LEPROTL1: variants seen among roughly 807,000 people sequenced by gnomAD.
LEPROTL1 encodes leptin receptor overlapping transcript like 1.
LEPROTL1 carries 6 observed loss-of-function variants against 15.4 expected under a neutral mutation model. The observed-to-expected ratio is 0.39, with a 90% confidence interval of 0.21 to 0.77. The LOEUF is 0.77. Among genes scored for constraint, LEPROTL1 ranks in the 30% least tolerant of loss-of-function variants. The pLI, the probability that LEPROTL1 is intolerant of heterozygous loss-of-function variation, is 0.41. For missense variants in LEPROTL1, 128 were observed against 158.1 expected (o/e 0.81, Z 1.02); for synonymous variants, 56 against 52.6 (o/e 1.06, Z -0.28).
intron 3 of LEPROTL1, among the ~76,000 whole-genome samples, chr8:30,113,676 C>T (rs1802689376): frequency 6.6e-6 from 1 of 152,130 alleles, no homozygotes; most frequent in Non-Finnish European, 1.5e-5. Context: ...GATAAGAATA[C>T]CAAGTCTGGA....
intron 3 of LEPROTL1, among the ~76,000 whole-genome samples, chr8:30,122,982 G>A (rs1373161121): frequency 6.6e-6 from 1 of 152,172 alleles, no homozygotes; most frequent in African/African-American, 2.4e-5. Context: ...AACAGTACGT[G>A]TTTGTCTGCT....
Position 30,107,253 on chromosome 8 carries a change from TC to T in LEPROTL1, c.*1394del. ...TCAGAAACATACCTGACCAAAAAAT[TC>T]CCAGTAACCAGGCATGATCAATTTA... On this transcript the variant is annotated 3_prime_UTR_variant, in exon 4 of 4. Coordinates refer to ENST00000321250, the MANE Select transcript of LEPROTL1 (RefSeq NM_015344.3). 1.0e-6 allele frequency: 1 copy of T among 985,438 alleles called. No homozygotes were observed. Among genetic ancestry groups the T allele is most frequent in the Non-Finnish European group, 1.2e-6 (1 of 829,920 alleles). The allele number at this position is 985,438 out of a possible 1,614,324, so 61.0% of individuals were successfully genotyped here.
At chr8:30,101,108 C>G (rs1010112686) in intron 1 of LEPROTL1, among the ~76,000 whole-genome samples, 3 of 152,106 alleles carry the variant, frequency 2.0e-5, no homozygotes, top group Admixed American at 2.0e-4. Flanking sequence ...TTTTTCTGGT[C>G]AGTTTTATGC....
In LEPROTL1 at chr8:30,133,008, G is replaced by A. The variant is rs760549304; in HGVS notation, c.394+519G>A. The A allele has an allele frequency of 1.1e-5, 13 of 1,141,128 alleles. No homozygotes were observed. The East Asian group carries it at 3.2e-4, about 28-fold the overall frequency. The allele number at this position is 1,141,128 out of a possible 1,614,324, so 70.7% of individuals were successfully genotyped here. On this transcript the variant is annotated intron_variant, in intron 4 of 4. Transcript: ENST00000442880. ...GATCTCGCAGGAAATAGATAGGTCT[G>A]TACAGCTAAGATTAATCTCATGGCC...
chr8:30,131,270 A>ATG (rs375063654), intron 3 of LEPROTL1, among the ~76,000 whole-genome samples: 10,219 of 92,356 alleles, frequency 0.11, 704 homozygotes, highest in African/African-American at 0.23. Context: ...ATATATATAT[A>ATG]TGTGTGTGTA....
chr8:30,117,291 C>T (rs1333769527), intron 3 of LEPROTL1: 1 of 665,830 alleles, frequency 1.5e-6, no homozygotes, highest in Non-Finnish European at 2.5e-6. Context: ...AGTTTCAGAC[C>T]AGCCTGGACA....
intron 1 of LEPROTL1, among the ~76,000 whole-genome samples, 181 bp from the exon 2 acceptor site, chr8:30,101,717 C>T (rs966479223): frequency 2.0e-5 from 3 of 146,384 alleles, no homozygotes; most frequent in African/African-American, 5.0e-5. Context: ...TTCATTTTGC[C>T]TTGAAGATAC....
In LEPROTL1 at chr8:30,107,363, T is replaced by G; in HGVS notation, c.*1501T>G. The stretch of plus-strand genomic sequence containing the variant: ...CATTCAAGTTGGTCTGACAGTATTT[T>G]GTTAAGGATATTTGTTTGTATGTTT... On this transcript the variant is annotated 3_prime_UTR_variant, in exon 4 of 4. Transcript: ENST00000321250. The G allele has an allele frequency of 1.0e-6, 1 of 985,814 alleles. No individual in the cohort carries two copies. The highest frequency in any genetic ancestry group is 1.2e-6 in the Non-Finnish European group (1 of 829,844). 61.1% of individuals were successfully genotyped at this position (985,814 alleles called of 1,614,324 possible). A position where few individuals can be genotyped will look rare whatever the true frequency, so the allele number is the denominator to read the frequency against.
At chr8:30,117,756 AGCCAGG>A in intron 3 of LEPROTL1, 1 of 923,516 alleles carries the variant, frequency 1.1e-6, no homozygotes, top group Non-Finnish European at 1.8e-6. Flanking sequence ...TGAGAGCATC[AGCCAGG>A]ACATTCATGC....
chr8:30,132,544 T>A, intron 4 of LEPROTL1: 1 of 1,551,754 alleles, frequency 6.4e-7, no homozygotes, highest in Non-Finnish European at 8.7e-7. Context: ...CTCGAATTGC[T>A]GGCAATCAGT....
intron 1 of LEPROTL1, among the ~76,000 whole-genome samples, chr8:30,097,807 T>C (rs981857129): frequency 6.6e-6 from 1 of 151,984 alleles, no homozygotes; most frequent in African/African-American, 2.4e-5. Flanking sequence ...AGTATTCATA[T>C]TCATAGCACT....
At chr8:30,114,850 A>G (rs1802711558) in intron 3 of LEPROTL1, among the ~76,000 whole-genome samples, 1 of 152,204 alleles carries the variant, frequency 6.6e-6, no homozygotes, top group Non-Finnish European at 1.5e-5. Context: ...GGGAACAAGC[A>G]TGGAGGCCTC....
Position 30,106,223 on chromosome 8 carries a change from G to A in LEPROTL1, c.*361G>A, listed in dbSNP as rs35191630. ...ATCATTTGCATTGGTTAGGAATTCA[G>A]AATTCCGCCGGCTCTATTACTGGTC... On this transcript the variant is annotated 3_prime_UTR_variant, in exon 4 of 4. Coordinates refer to ENST00000321250, the MANE Select transcript of LEPROTL1 (RefSeq NM_015344.3). The A allele has an allele frequency of 1.3e-5, 13 of 986,132 alleles. No individual in the cohort carries two copies. The East Asian group carries it at 1.4e-3, about 103-fold the overall frequency. The allele number at this position is 986,132 out of a possible 1,614,324, so 61.1% of individuals were successfully genotyped here.
Position 30,095,536 on chromosome 8 carries a change from TG to T in LEPROTL1, c.16+11del. On this transcript the variant is annotated intron_variant, in intron 1 of 3. Coordinates refer to ENST00000321250, the MANE Select transcript of LEPROTL1 (RefSeq NM_015344.3). ...CCATGGCAGGCATCAAAGGTGGGCC[TG>T]GGTTGCAGGACGCGGGAGGGCTGGG... The T allele has an allele frequency of 7.0e-7, 1 of 1,426,228 alleles. No homozygotes were observed. The highest frequency in any genetic ancestry group is 9.2e-7 in the Non-Finnish European group (1 of 1,091,460). The allele number at this position is 1,426,228 out of a possible 1,614,324, so 88.3% of individuals were successfully genotyped here.
At chr8:30,131,296 A>ATATGTGTG (rs367717206) in intron 3 of LEPROTL1, among the ~76,000 whole-genome samples, 17 of 123,896 alleles carry the variant, frequency 1.4e-4, no homozygotes, top group Non-Finnish European at 2.5e-4. Context: ...ATATATATAT[A>ATATGTGTG]TGTGTGTGTG....
At chr8:30,099,409 T>A (rs1038779427) in intron 1 of LEPROTL1, among the ~76,000 whole-genome samples, 1 of 150,436 alleles carries the variant, frequency 6.6e-6, no homozygotes, top group Admixed American at 6.6e-5. Flanking sequence ...CTGGCCAATG[T>A]GGTGAAACCC....
chr8:30,110,498 G>C (rs1802639902), downstream of LEPROTL1, among the ~76,000 whole-genome samples: 2 of 152,042 alleles, frequency 1.3e-5, no homozygotes, highest in African/African-American at 4.8e-5. Flanking sequence ...GGCTGGGTTG[G>C]GGGGCGGTGC....
intron 3 of LEPROTL1, among the ~76,000 whole-genome samples, chr8:30,123,514 A>G (rs1432517223): frequency 6.6e-6 from 1 of 152,222 alleles, no homozygotes; most frequent in East Asian, 1.9e-4. Flanking sequence ...TTTTCCAAGT[A>G]CAAGTCTTGC....
intron 3 of LEPROTL1, among the ~76,000 whole-genome samples, chr8:30,131,327 T>C (rs1350268134): frequency 6.7e-6 from 1 of 149,436 alleles, no homozygotes; most frequent in East Asian, 1.9e-4. Flanking sequence ...TATATACACA[T>C]ATATATATTT....
Sources: allele counts gnomAD v4.1 joint callset (sites outside exome capture counted in the v4.1 genomes callset), GRCh38; gene constraint gnomAD v4.1.1; transcripts MANE v1.5; gene names NCBI Gene and HGNC (gene_info 2026-07-23, HGNC 2026-07-21).